UMODL1: variants seen among roughly 807,000 people sequenced by gnomAD.
The protein encoded by UMODL1 is uromodulin-like 1.
Under a neutral mutation model 136.3 loss-of-function variants are expected in UMODL1, and 128 were observed. That is an observed-to-expected ratio of 0.94 (90% confidence interval 0.81 to 1.09). UMODL1 has a LOEUF of 1.09. UMODL1 is among the 50% of genes least tolerant of loss of function. UMODL1 has a pLI of 0.00. For synonymous variants in UMODL1, 721 were observed against 720.0 expected (o/e 1.00, Z -0.02); for missense variants, 1,766 against 1,725.6 (o/e 1.02, Z -0.41).
Position 42,121,183 on chromosome 21 carries a change from C to T in UMODL1, c.2786C>T (p.Ala929Val). The change falls in exon 16 of 23, where the codon GCC (alanine) becomes GTC (valine). Residue 929 changes from alanine to valine, a missense_variant. By Grantham distance (64) the Ala-to-Val change is moderately conservative (BLOSUM62 0). Transcript: ENST00000408910. ...GSFTCSCEGG[A>V]PDFPVEYSER... ...TTCACTTGTAGCTGCGAGGGAGGAG[C>T]CCCCGACTTCCCTGTGGAATATTCT... The T allele has an allele frequency of 6.2e-7, 1 of 1,613,838 alleles. No individual in the cohort carries two copies. The highest frequency in any genetic ancestry group is 8.5e-7 in the Non-Finnish European group (1 of 1,179,886).
intron 9 of UMODL1, among the ~76,000 whole-genome samples, chr21:42,104,566 C>T (rs939600455): frequency 6.6e-6 from 1 of 152,070 alleles, no homozygotes. Context: ...TCTCCTGCCT[C>T]AGCTTCTCCA....
At chr21:42,068,153 T>C (rs2066198496), upstream of UMODL1, among the ~76,000 whole-genome samples, 1 of 151,988 alleles carries the variant, frequency 6.6e-6, no homozygotes, top group South Asian at 2.1e-4. This position sits in a 1 kb window ranked among gnomAD's most constrained non-coding sequence, Gnocchi z 5.5. Context: ...CGTGATTCCA[T>C]ATCGTGAGGA....
intron 22 of UMODL1, among the ~76,000 whole-genome samples, chr21:42,139,992 T>G (rs531629481): frequency 6.6e-6 from 1 of 152,300 alleles, no homozygotes; most frequent in South Asian, 2.1e-4. Flanking sequence ...TTTGGAAACG[T>G]GTGCTGTAGT....
At chr21:42,083,071 C>T (rs760331111) in intron 2 of UMODL1, among the ~76,000 whole-genome samples, 7 of 152,222 alleles carry the variant, frequency 4.6e-5, no homozygotes, top group Non-Finnish European at 1.0e-4. Context: ...GGCCGCGTTT[C>T]TGTGTCTAGA....
rs574241725 is a variant in UMODL1 at position 42,121,126 on chromosome 21, C to A, written c.2729C>A (p.Pro910Gln). 1.9e-6 allele frequency: 3 copies of A among 1,614,034 alleles called. No homozygotes were observed. The highest frequency in any genetic ancestry group is 1.7e-4 in the Middle Eastern group (1 of 6,048). The change falls in exon 16 of 23, where the codon CCG (proline) becomes CAG (glutamine). Residue 910 changes from proline to glutamine, a missense_variant. Physicochemically the swap from Pro to Gln is moderately conservative, Grantham distance 76 (BLOSUM62 -1). Transcript: ENST00000408910. ...ECERKEDDCV[P>Q]GTSCRNTLGS... ...GAAAGGAAGGAGGACGACTGTGTGCCGGGGACATCCTGTCGAAACACCCTC... is the reference window on the plus strand; with the variant it reads ...GAAAGGAAGGAGGACGACTGTGTGCAGGGGACATCCTGTCGAAACACCCTC...
chr21:42,107,123 C>T (rs1032021210), intron 9 of UMODL1, among the ~76,000 whole-genome samples: 6 of 152,230 alleles, frequency 3.9e-5, no homozygotes, highest in African/African-American at 1.4e-4. Context: ...CAATCTCTTG[C>T]TCCTAACAGC....
At position 42,099,005 on chromosome 21, in the gene UMODL1, A is replaced by T; in HGVS notation, c.1011A>T (p.Thr337=). The stretch of plus-strand genomic sequence containing the variant: ...AAGTATCCTGGCGTTTAAATTCTAC[A>T]CAGAACCACACTTTCCATGTCCGGG... ...SFQVSWRLNS[T]QNHTFHVRVY... is the part of the protein sequence containing the mutation. Residue 337 remains threonine (T), a synonymous_variant, in exon 7 of 23, where the codon ACA becomes ACT. Transcript: ENST00000408910. This position sits in a 1 kb window ranked among gnomAD's most constrained non-coding sequence, Gnocchi z 4.1. 1.9e-6 allele frequency: 3 copies of T among 1,614,158 alleles called. No homozygotes were observed. The highest frequency in any genetic ancestry group is 2.5e-6 in the Non-Finnish European group (3 of 1,180,034).
At chr21:42,091,982 A>G (rs2066497184) in intron 6 of UMODL1, among the ~76,000 whole-genome samples, 1 of 152,230 alleles carries the variant, frequency 6.6e-6, no homozygotes, top group East Asian at 1.9e-4. Context: ...GCAGGAAAAC[A>G]GCTGGAAGGG....
chr21:42,135,409 C>T (rs994447955), intron 21 of UMODL1, among the ~76,000 whole-genome samples: 2 of 152,220 alleles, frequency 1.3e-5, no homozygotes, highest in African/African-American at 2.4e-5. Flanking sequence ...TGGTTCAGTT[C>T]GGAGCACACA....
At chr21:42,074,628 G>A (rs554651209) in intron 1 of UMODL1, among the ~76,000 whole-genome samples, 1 of 152,322 alleles carries the variant, frequency 6.6e-6, no homozygotes, top group African/African-American at 2.4e-5. Context: ...AGGCTCCAGT[G>A]AGAGATATGT....
chr21:42,094,142 C>T, intron 6 of UMODL1: 1 of 361,556 alleles, frequency 2.8e-6, no homozygotes. Context: ...CAGTGAACTG[C>T]CAGATTGCGT....
intron 22 of UMODL1, among the ~76,000 whole-genome samples, chr21:42,141,414 G>A (rs142631851): frequency 3.5e-4 from 53 of 152,298 alleles, no homozygotes; most frequent in African/African-American, 8.9e-4. Context: ...AGTGCTAGAG[G>A]CCAGTCACCT....
chr21:42,102,990 G>C (rs761202960), intron 8 of UMODL1: 2 of 154,710 alleles, frequency 1.3e-5, no homozygotes, highest in African/African-American at 2.4e-5. Flanking sequence ...AGCACACAAA[G>C]TGGGTCTGCA....
rs372201033 is a variant in UMODL1, at chr21:42,127,706, G to A, written c.3565G>A (p.Glu1189Lys). The A allele has an allele frequency of 4.3e-6, 7 of 1,614,038 alleles. No homozygotes were observed. The African/African-American group carries it at 9.3e-5, about 22-fold the overall frequency. Residue 1189 changes from glutamate (E) to lysine (K), a missense_variant, in exon 20 of 23, where the codon GAG (glutamate) becomes AAG (lysine). Coordinates refer to ENST00000408910, the MANE Select transcript of UMODL1 (RefSeq NM_001004416.3). ...GCCCAACACATACACCAACGTGATT[G>A]AGAACGGCAACTCCAATAAGGCCCA... ...PVPNTYTNVIENGNSNKAQFK... is the reference protein window; with the variant it reads ...PVPNTYTNVIKNGNSNKAQFK...
In UMODL1 at chr21:42,099,922, C is replaced by T. The variant is rs1429823558; in HGVS notation, c.1186+742C>T. Among the ~76,000 whole-genome samples, 1 of 152,166 alleles carries T rather than the reference C, an allele frequency of 6.6e-6. No individual in the cohort carries two copies. The highest frequency in any genetic ancestry group is 1.5e-5 in the Non-Finnish European group (1 of 68,030). On this transcript the variant is annotated intron_variant, in intron 7 of 22. Coordinates refer to ENST00000408910, the MANE Select transcript of UMODL1 (RefSeq NM_001004416.3). This position sits in a 1 kb window ranked among gnomAD's most constrained non-coding sequence, Gnocchi z 4.1. Reference sequence around the variant, plus strand: ...TGTCAAACTCCTGGGCTCAAGTGATCTCAGGAGGCAACTTTTGTCTCCAAA... The same window carrying T: ...TGTCAAACTCCTGGGCTCAAGTGATTTCAGGAGGCAACTTTTGTCTCCAAA...
At chr21:42,084,616 C>T (rs746511699) in intron 3 of UMODL1, among the ~76,000 whole-genome samples, 1 of 152,056 alleles carries the variant, frequency 6.6e-6, no homozygotes, top group Non-Finnish European at 1.5e-5. Flanking sequence ...CCACAGCACC[C>T]GTAGGCAGGC....
chr21:42,077,360 G>A (rs1430232518), intron 2 of UMODL1, among the ~76,000 whole-genome samples: 2 of 151,902 alleles, frequency 1.3e-5, no homozygotes, highest in Admixed American at 6.6e-5. Context: ...TTTATTAGCC[G>A]GCGACCGAGA....
chr21:42,099,234 C>T lies in UMODL1; in HGVS notation c.1186+54C>T. The T allele has an allele frequency of 6.3e-7, 1 of 1,590,764 alleles. No homozygotes were observed. The highest frequency in any genetic ancestry group is 8.6e-7 in the Non-Finnish European group (1 of 1,166,714). On this transcript the variant is annotated intron_variant, in intron 7 of 22. Transcript: ENST00000408910. This position sits in a 1 kb window ranked among gnomAD's most constrained non-coding sequence, Gnocchi z 4.1. ...AGCTTGCGAGCTTGTCTTTCTATCC[C>T]AGGTCTGTGGCCCTAGCATGTCGCG...
chr21:42,106,399 C>T (rs12627412), intron 9 of UMODL1, among the ~76,000 whole-genome samples: 48,339 of 152,120 alleles, frequency 0.32, 7,937 homozygotes, highest in African/African-American at 0.4. Flanking sequence ...CTGTGGTCCA[C>T]CTAGAAATAA....
Sources: gnomAD v4.1 joint callset for allele counts (sites outside exome capture counted in the v4.1 genomes callset) on GRCh38, gnomAD v4.1.1 for gene constraint, Gnocchi (gnomAD v3.1) non-coding constraint, MANE v1.5 for transcripts, NCBI Gene and HGNC (gene_info 2026-07-23, HGNC 2026-07-21) for gene names.